SGCZ: variants seen among roughly 807,000 people sequenced by gnomAD.
SGCZ encodes the protein sarcoglycan zeta, also known as zeta-sarcoglycan.
In SGCZ, 40 loss-of-function variants were observed where a neutral mutation model predicts 41.3. The observed-to-expected ratio is 0.97, with a 90% confidence interval of 0.75 to 1.26. The LOEUF (loss-of-function observed/expected upper bound fraction) is 1.26. SGCZ is among the 50% of genes most tolerant of loss of function. SGCZ has a pLI of 0.00. For missense variants in SGCZ, 552 were observed against 369.8 expected, an observed-to-expected ratio of 1.49 and a Z score of -4.04; for synonymous variants, 206 against 137.5, an observed-to-expected ratio of 1.50 and a Z score of -3.49.
At chr8:14,973,704 A>C (rs1273154842) in intron 1 of SGCZ, among the ~76,000 whole-genome samples, 1 of 152,178 alleles carries the variant, frequency 6.6e-6, no homozygotes, top group Non-Finnish European at 1.5e-5. Flanking sequence ...ATAACTTCTT[A>C]CGACCTTAGA....
chr8:14,190,611 T>C (rs1270087465), intron 4 of SGCZ, among the ~76,000 whole-genome samples: 1 of 151,942 alleles, frequency 6.6e-6, no homozygotes, highest in Non-Finnish European at 1.5e-5. Context: ...ATTTCTTTTT[T>C]TGTTTTTTTG....
intron 1 of SGCZ, among the ~76,000 whole-genome samples, chr8:14,867,194 A>G (rs1057224489): frequency 2.6e-5 from 4 of 152,106 alleles, no homozygotes; most frequent in African/African-American, 9.7e-5. Context: ...AAGCTTGTTT[A>G]TGAATTATAA....
intron 3 of SGCZ, among the ~76,000 whole-genome samples, chr8:14,259,316 T>G (rs1006022558): frequency 2.0e-5 from 3 of 152,124 alleles, no homozygotes; most frequent in African/African-American, 7.2e-5. Flanking sequence ...TTAGTTTAAT[T>G]AGATCCCATT....
intron 7 of SGCZ, among the ~76,000 whole-genome samples, chr8:14,097,788 T>A (rs1801890418): frequency 6.6e-6 from 1 of 152,190 alleles, no homozygotes. Context: ...TGGGTGCATA[T>A]ATATTTAGGA....
chr8:14,779,831 G>T (rs1800529386), intron 1 of SGCZ, among the ~76,000 whole-genome samples: 1 of 152,076 alleles, frequency 6.6e-6, no homozygotes, highest in Non-Finnish European at 1.5e-5. Flanking sequence ...CATGTTTATA[G>T]GTGATCATTT....
chr8:14,165,624 A>C (rs1417247131), intron 4 of SGCZ, among the ~76,000 whole-genome samples: 1 of 152,148 alleles, frequency 6.6e-6, no homozygotes, highest in Non-Finnish European at 1.5e-5. Context: ...TTAAGATAGG[A>C]AACCTTCCTC....
At chr8:14,630,021 T>C (rs1188426314) in intron 1 of SGCZ, among the ~76,000 whole-genome samples, 1 of 152,122 alleles carries the variant, frequency 6.6e-6, no homozygotes, top group Non-Finnish European at 1.5e-5. Flanking sequence ...ATACTTTGTA[T>C]TATCTCAGAT....
chr8:14,971,854 T>G (rs551515549), intron 1 of SGCZ, among the ~76,000 whole-genome samples: 4 of 152,002 alleles, frequency 2.6e-5, no homozygotes, highest in African/African-American at 9.7e-5. Context: ...TTCACCATGT[T>G]GGCCAGAATG....
intron 3 of SGCZ, among the ~76,000 whole-genome samples, chr8:14,269,925 G>T (rs919046736): frequency 1.3e-5 from 2 of 152,060 alleles, no homozygotes; most frequent in African/African-American, 2.4e-5. Context: ...ACAAGTCTTT[G>T]TTAACAAAGG....
intron 2 of SGCZ, among the ~76,000 whole-genome samples, chr8:14,381,647 C>T (rs1218960057): frequency 1.3e-5 from 2 of 151,542 alleles, no homozygotes; most frequent in South Asian, 2.1e-4. Flanking sequence ...GGTGTAGTCA[C>T]GTGCACCTGT....
chr8:14,868,609 C>T (rs1054213954), intron 1 of SGCZ, among the ~76,000 whole-genome samples: 1 of 151,968 alleles, frequency 6.6e-6, no homozygotes, highest in South Asian at 2.1e-4. Context: ...TTACATGTAC[C>T]AGTTTAAGCC....
intron 1 of SGCZ, among the ~76,000 whole-genome samples, chr8:15,127,257 AACAAACACACACACACAC>A (rs1270686149): frequency 1.4e-4 from 4 of 29,580 alleles, no homozygotes; most frequent in African/African-American, 1.8e-4. Context: ...CACACACACA[AACAAACACACACACACAC>A]ACACACACAC....
chr8:14,702,711 G>A lies in SGCZ; in HGVS notation c.40-147785C>T, dbSNP rs1809177382. Reference sequence around the variant, plus strand: ...CTCTCAAATGCCAGTTCATATATCAGCAAATTCTGCTGGCTTCAATGATAG... The same window carrying A: ...CTCTCAAATGCCAGTTCATATATCAACAAATTCTGCTGGCTTCAATGATAG... On this transcript the variant is annotated intron_variant, in intron 1 of 7. Transcript: ENST00000382080. Among the ~76,000 whole-genome samples the A allele has an allele frequency of 2.1e-5, 3 of 140,576 alleles. No homozygotes were observed. The South Asian group carries it at 6.7e-4, about 32-fold the overall frequency. The allele number at this position is 140,576 out of a possible 152,430, so 92.2% of individuals were successfully genotyped here.
intron 1 of SGCZ, among the ~76,000 whole-genome samples, chr8:14,579,956 G>C (rs1446144044): frequency 1.3e-5 from 2 of 152,142 alleles, no homozygotes; most frequent in South Asian, 2.1e-4. Context: ...GTTCTATTGA[G>C]TATTATGATT....
At chr8:15,139,136 T>C (rs1334263412) in intron 1 of SGCZ, among the ~76,000 whole-genome samples, 1 of 152,192 alleles carries the variant, frequency 6.6e-6, no homozygotes, top group Non-Finnish European at 1.5e-5. Context: ...TGCTGAGGGC[T>C]TGGCTGTTCT....
At chr8:14,800,924 C>A (rs1801301400) in intron 1 of SGCZ, among the ~76,000 whole-genome samples, 2 of 152,094 alleles carry the variant, frequency 1.3e-5, no homozygotes, top group Non-Finnish European at 2.9e-5. Flanking sequence ...AGATGACAAC[C>A]ATAATGGTTT....
chr8:15,111,807 G>A (rs1807070195), intron 1 of SGCZ, among the ~76,000 whole-genome samples: 1 of 151,192 alleles, frequency 6.6e-6, no homozygotes, highest in Non-Finnish European at 1.5e-5. Context: ...GGCTGAGGCA[G>A]AAGAACTGCT....
intron 2 of SGCZ, among the ~76,000 whole-genome samples, chr8:14,441,691 C>T (rs1264653344): frequency 6.6e-6 from 1 of 152,202 alleles, no homozygotes; most frequent in Non-Finnish European, 1.5e-5. Flanking sequence ...ACGCATCTCA[C>T]CACATGTAAT....
At chr8:14,399,949 G>C (rs917786808) in intron 2 of SGCZ, among the ~76,000 whole-genome samples, 1 of 151,942 alleles carries the variant, frequency 6.6e-6, no homozygotes, top group Admixed American at 6.6e-5. Context: ...ACTCCAACCT[G>C]GTTACTACTC....
Sources: allele counts gnomAD v4.1 joint callset (sites outside exome capture counted in the v4.1 genomes callset), GRCh38; gene constraint gnomAD v4.1.1; transcripts MANE v1.5; gene names NCBI Gene and HGNC (gene_info 2026-07-23, HGNC 2026-07-21).